PRDM16: variants seen among roughly 807,000 people sequenced by gnomAD.
The protein encoded by PRDM16 is histone-lysine N-methyltransferase PRDM16.
In PRDM16, 23 loss-of-function variants were observed where a neutral mutation model predicts 110.6. The observed-to-expected ratio is 0.21, with a 90% confidence interval of 0.15 to 0.29. PRDM16 has a LOEUF of 0.29. Ranked by LOEUF, PRDM16 falls within the 10% of genes least tolerant of loss-of-function variation. The probability of loss-of-function intolerance (pLI) is 1.00; values close to 1 mark genes in which losing one functional copy is unlikely to be tolerated. For missense variants in PRDM16, 1,615 were observed against 1,794.3 expected, an observed-to-expected ratio of 0.90 and a Z score of 1.81; for synonymous variants, 799 against 781.8, an observed-to-expected ratio of 1.02 and a Z score of -0.37.
chr1:3,374,209 G>A (rs1006216803), intron 3 of PRDM16, among the ~76,000 whole-genome samples: 4 of 152,168 alleles, frequency 2.6e-5, no homozygotes, highest in African/African-American at 9.7e-5. Flanking sequence ...CCCGAAACCA[G>A]CACATCCTCA....
chr1:3,404,697 G>A (rs547083328), intron 6 of PRDM16, 42 bp from the exon 7 acceptor site: 1 of 1,608,752 alleles, frequency 6.2e-7, no homozygotes, highest in Admixed American at 1.7e-5. Context: ...CGGGCAGAGG[G>A]CAGGTAGTCG....
Position 3,213,009 on chromosome 1 carries a change from T to A in PRDM16, c.387+26535T>A, listed in dbSNP as rs60892783. On this transcript the variant is annotated intron_variant, in intron 2 of 16. Transcript: ENST00000270722. The surrounding 1 kb of genome is among the most constrained non-coding windows in gnomAD (Gnocchi z 5.3). Reference sequence around the variant, plus strand: ...CACAGGGAAGTCAGTGGGACCTTTGTGGCCACGAAACAGGTCTCACCCAGA... The same window carrying A: ...CACAGGGAAGTCAGTGGGACCTTTGAGGCCACGAAACAGGTCTCACCCAGA... 0.21 allele frequency among the ~76,000 whole-genome samples: 32,613 copies of A among 152,216 alleles called. 3,904 individuals are homozygous for A. Among genetic ancestry groups the A allele is most frequent in the African/African-American group, 0.32 (13,133 of 41,522 alleles).
chr1:3,425,573 C>A lies in PRDM16; in HGVS notation c.2940-8C>A. On this transcript the variant is annotated splice_polypyrimidine_tract_variant and splice_region_variant and intron_variant, in intron 12 of 16. Coordinates refer to ENST00000270722, the MANE Select transcript of PRDM16 (RefSeq NM_022114.4). This position sits in a 1 kb window ranked among gnomAD's most constrained non-coding sequence, Gnocchi z 6.9. The stretch of plus-strand genomic sequence containing the variant: ...GCCTGCACTGAGGAGCGCGTGTGCC[C>A]CTTCCAGGTGTAAGTACTGCGACCG... 1 of 1,613,420 alleles carries A rather than the reference C, an allele frequency of 6.2e-7. No individual in the cohort carries two copies. Among genetic ancestry groups the A allele is most frequent in the South Asian group, 1.1e-5 (1 of 91,046 alleles).
At chr1:3,416,411 G>T (rs1046221836) in intron 10 of PRDM16, among the ~76,000 whole-genome samples, 4 of 152,160 alleles carry the variant, frequency 2.6e-5, no homozygotes, top group Non-Finnish European at 5.9e-5. Context: ...AAATGGGCGG[G>T]TCACCTCTGT....
At chr1:3,249,188 C>T (rs949326798) in intron 3 of PRDM16, among the ~76,000 whole-genome samples, 1 of 146,092 alleles carries the variant, frequency 6.8e-6, no homozygotes, top group African/African-American at 2.5e-5. Context: ...TGTTTTCCTC[C>T]TAAAGGAGGC....
At chr1:3,178,120 T>A (rs937416762) in intron 1 of PRDM16, among the ~76,000 whole-genome samples, 1 of 151,944 alleles carries the variant, frequency 6.6e-6, no homozygotes, top group African/African-American at 2.4e-5. Context: ...GAGTGGATCC[T>A]CCCCCTGCCA....
At chr1:3,227,072 C>T (rs944204752) in intron 2 of PRDM16, among the ~76,000 whole-genome samples, 2 of 152,248 alleles carry the variant, frequency 1.3e-5, no homozygotes, top group African/African-American at 4.8e-5. Context: ...AATAATCAGC[C>T]GTTGTCACGT....
chr1:3,191,547 C>T (rs1275076299), intron 2 of PRDM16, among the ~76,000 whole-genome samples: 2 of 152,212 alleles, frequency 1.3e-5, no homozygotes, highest in African/African-American at 4.8e-5. Context: ...GAAATGTCCT[C>T]ACATGTAATA....
intron 3 of PRDM16, among the ~76,000 whole-genome samples, chr1:3,260,319 G>A (rs936089024): frequency 6.6e-6 from 1 of 152,128 alleles, no homozygotes; most frequent in African/African-American, 2.4e-5. Context: ...AGCTGCTTCC[G>A]AGCCCCCATG....
chr1:3,151,194 C>T (rs1471773269), intron 1 of PRDM16, among the ~76,000 whole-genome samples: 1 of 152,210 alleles, frequency 6.6e-6, no homozygotes, highest in East Asian at 1.9e-4. Context: ...TGTCCCCTCG[C>T]TGGGCATGGG....
At position 3,256,674 on chromosome 1, in the gene PRDM16, C is replaced by T. The variant is rs186280159; in HGVS notation, c.438+12537C>T. ...GAGATCAAGACCATCCTGGCTAACACGGTGAAACCCCATCTCTACTAAAAA... is the reference window on the plus strand; with the variant it reads ...GAGATCAAGACCATCCTGGCTAACATGGTGAAACCCCATCTCTACTAAAAA... On this transcript the variant is annotated intron_variant, in intron 3 of 16. Coordinates refer to ENST00000270722, the MANE Select transcript of PRDM16 (RefSeq NM_022114.4). 1.8e-3 allele frequency among the ~76,000 whole-genome samples: 276 copies of T among 152,106 alleles called. 3 individuals are homozygous for T. The highest frequency in any genetic ancestry group is 6.3e-3 in the African/African-American group (262 of 41,496).
intron 6 of PRDM16, among the ~76,000 whole-genome samples, chr1:3,404,285 A>G (rs1460753784): frequency 3.3e-5 from 5 of 151,478 alleles, no homozygotes; most frequent in Non-Finnish European, 5.9e-5. Context: ...CCCCCGAGTG[A>G]CTCCCGACCT....
chr1:3,270,017 C>T (rs1210257810), intron 3 of PRDM16, among the ~76,000 whole-genome samples: 1 of 146,378 alleles, frequency 6.8e-6, no homozygotes, highest in African/African-American at 2.6e-5. Context: ...CAGAGGAGGA[C>T]AGTCAGGGAG....
At chr1:3,181,644 GGTCTTACACACGGTCTTACA>G (rs1557509850) in intron 1 of PRDM16, among the ~76,000 whole-genome samples, 2 of 115,912 alleles carry the variant, frequency 1.7e-5, no homozygotes, top group Non-Finnish European at 3.4e-5. Flanking sequence ...TCTTACACAC[GGTCTTACACACGGTCTTACA>G]CAGTCTTACA....
intron 1 of PRDM16, among the ~76,000 whole-genome samples, chr1:3,185,681 G>A: frequency 6.6e-6 from 1 of 152,246 alleles, no homozygotes; most frequent in East Asian, 1.9e-4. Context: ...CATTTGGAAT[G>A]TTCTGGTGCA....
Position 3,418,614 on chromosome 1 carries a change from C to A in PRDM16, c.2862-53C>A. The A allele has an allele frequency of 4.0e-6, 5 of 1,237,194 alleles. No homozygotes were observed. The Admixed American group carries it at 5.1e-5, about 13-fold the overall frequency. 76.6% of individuals were successfully genotyped at this position (1,237,194 alleles called of 1,614,324 possible). On this transcript the variant is annotated intron_variant, in intron 11 of 16. Coordinates refer to ENST00000270722, the MANE Select transcript of PRDM16 (RefSeq NM_022114.4). ...CTTGAAACCATTTCTGGGAAATGGC[C>A]ATGTAAGCCCACCCTAATCCTCCCT...
At chr1:3,180,854 T>A (rs1268310503) in intron 1 of PRDM16, among the ~76,000 whole-genome samples, 1 of 148,852 alleles carries the variant, frequency 6.7e-6, no homozygotes, top group Non-Finnish European at 1.5e-5. Context: ...ACACACGCAG[T>A]CTTACGCACG....
At chr1:3,269,790 C>CCCGGAGGAGGACAGTAGGGAGGACAG in intron 3 of PRDM16, among the ~76,000 whole-genome samples, 1 of 145,414 alleles carries the variant, frequency 6.9e-6, no homozygotes, top group African/African-American at 2.6e-5. Flanking sequence ...GGAGGAAAGT[C>CCCGGAGGAGGACAGTAGGGAGGACAG]TCAGAGGAGG....
chr1:3,307,754 C>T (rs1359406409), intron 3 of PRDM16: 5 of 152,184 alleles, frequency 3.3e-5, no homozygotes, highest in Non-Finnish European at 5.9e-5. Context: ...TCCCTGTGTC[C>T]CTGTTTCTGC....
Sources: allele counts gnomAD v4.1 joint callset (sites outside exome capture counted in the v4.1 genomes callset), GRCh38; gene constraint gnomAD v4.1.1; non-coding constraint Gnocchi (gnomAD v3.1); transcripts MANE v1.5; gene names NCBI Gene and HGNC (gene_info 2026-07-23, HGNC 2026-07-21).